ADRA1D: variants seen among roughly 807,000 people sequenced by gnomAD.
The protein encoded by ADRA1D is adrenoceptor alpha 1D.
A neutral mutation model predicts 18.6 loss-of-function variants in ADRA1D; 22 were observed. That is an observed-to-expected ratio of 1.19 (90% CI 0.85 to 1.69). ADRA1D has a LOEUF of 1.69. Ranked by LOEUF, ADRA1D falls within the 40% of genes most tolerant of loss-of-function variation. ADRA1D has a pLI of 0.00. For synonymous variants in ADRA1D, 376 were observed against 388.2 expected (o/e 0.97, Z 0.37); for missense variants, 840 against 840.7 (o/e 1.00, Z 0.01).
chr20:4,228,090 G>A (rs1318071304), intron 1 of ADRA1D, among the ~76,000 whole-genome samples: 1 of 152,078 alleles, frequency 6.6e-6, no homozygotes, highest in Non-Finnish European at 1.5e-5. Context: ...TTCCTTATCT[G>A]TACTTTGACC....
In ADRA1D at chr20:4,248,946, G is replaced by T. The variant is rs1204184745; in HGVS notation, c.12C>A (p.Arg4=). MTF[R]DLLSVSFEGP... is the part of the protein sequence containing the mutation. Reference sequence around the variant, plus strand: ...CCTCGAAACTGACGCTCAGGAGATCGCGGAAAGTCATCTCAACGCGCGGCC... The same window carrying T: ...CCTCGAAACTGACGCTCAGGAGATCTCGGAAAGTCATCTCAACGCGCGGCC... The change falls in exon 1 of 2, where the codon CGC becomes CGA. Residue 4 remains arginine, a synonymous_variant. Transcript: ENST00000379453. 1 of 1,353,224 alleles carries T rather than the reference G, an allele frequency of 7.4e-7. No individual in the cohort carries two copies. Among genetic ancestry groups the T allele is most frequent in the Non-Finnish European group, 9.6e-7 (1 of 1,041,060 alleles). The allele number at this position is 1,353,224 out of a possible 1,614,324, so 83.8% of individuals were successfully genotyped here. A position where few individuals can be genotyped will look rare whatever the true frequency, so the allele number is the denominator to read the frequency against.
chr20:4,240,418 T>C (rs1981186179), intron 1 of ADRA1D, among the ~76,000 whole-genome samples: 1 of 152,012 alleles, frequency 6.6e-6, no homozygotes, highest in Admixed American at 6.6e-5. Flanking sequence ...TTTTTTTTTT[T>C]TTTTTTACAG....
rs1981385478 is a variant in ADRA1D at position 4,248,129 on chromosome 20, C to A, written c.829G>T (p.Val277Leu). 2.5e-6 allele frequency: 4 copies of A among 1,569,718 alleles called. No individual in the cohort carries two copies. The change falls in exon 1 of 2, where the codon GTG (valine) becomes TTG (leucine). Residue 277 changes from valine (V) to leucine (L), a missense_variant. Transcript: ENST00000379453. ...MAVIVVMYCR[V>L]YVVARSTTRS... Reference sequence around the variant, plus strand: ...GTGGTGCTGCGCGCGACCACGTACACGCGGCAGTACATGACCACGATGACC... The same window carrying A: ...GTGGTGCTGCGCGCGACCACGTACAAGCGGCAGTACATGACCACGATGACC...
rs759050770 is a variant in ADRA1D at position 4,239,402 on chromosome 20, T to C, written c.1111+8445A>G. ...AGAAGTCCCCATCAGTGTTGTGTTT[T>C]TCTTCTACTGAAAATAAAATGTACT... is the stretch of plus-strand genomic sequence containing the variant. On this transcript the variant is annotated intron_variant, in intron 1 of 1. Transcript: ENST00000379453. The surrounding 1 kb of genome is among the most constrained non-coding windows in gnomAD (Gnocchi z 4.9). Among the ~76,000 whole-genome samples the C allele has an allele frequency of 4.6e-4, 70 of 152,212 alleles. 1 individual carries two copies. The highest frequency in any genetic ancestry group is 1.3e-4 in the Admixed American group (2 of 15,286).
chr20:4,232,866 C>T (rs1174817327), intron 1 of ADRA1D, among the ~76,000 whole-genome samples: 1 of 152,232 alleles, frequency 6.6e-6, no homozygotes, highest in African/African-American at 2.4e-5. Flanking sequence ...TGCCTCAGCA[C>T]AGTCCAGTTC....
At position 4,222,274 on chromosome 20, in the gene ADRA1D, G is replaced by A; in HGVS notation, c.1112-144C>T. ...AAGGGATCCGTGCTGTAAATCAGGA[G>A]GTCCATGAACTTGGATAGAGAAAAA... On this transcript the variant is annotated intron_variant, in intron 1 of 1. Transcript: ENST00000379453. This position sits in a 1 kb window ranked among gnomAD's most constrained non-coding sequence, Gnocchi z 4.3. 8 of 1,179,842 alleles carry A rather than the reference G, an allele frequency of 6.8e-6. No homozygotes were observed. The South Asian group carries it at 8.6e-5, about 13-fold the overall frequency. The allele number at this position is 1,179,842 out of a possible 1,614,324, so 73.1% of individuals were successfully genotyped here. A position where few individuals can be genotyped will look rare whatever the true frequency, so the allele number is the denominator to read the frequency against.
intron 1 of ADRA1D, among the ~76,000 whole-genome samples, chr20:4,245,956 T>C (rs1301731521): frequency 6.6e-6 from 1 of 152,230 alleles, no homozygotes; most frequent in East Asian, 1.9e-4. Flanking sequence ...TTACCCTATA[T>C]TGAGTATCCA....
intron 1 of ADRA1D, among the ~76,000 whole-genome samples, chr20:4,246,640 CCCCAGTTCCAGCCT>C (rs1981342873): frequency 6.6e-6 from 1 of 152,120 alleles, no homozygotes; most frequent in African/African-American, 2.4e-5. Context: ...GTCTGCATGG[CCCCAGTTCCAGCCT>C]GTGGTCCCAG....
chr20:4,232,250 G>T (rs1054838414), intron 1 of ADRA1D, among the ~76,000 whole-genome samples: 3 of 152,244 alleles, frequency 2.0e-5, no homozygotes, highest in African/African-American at 7.2e-5. Flanking sequence ...TGGCGAGGAG[G>T]CTAGTCCTCC....
At chr20:4,242,858 T>TTG (rs143064051) in intron 1 of ADRA1D, among the ~76,000 whole-genome samples, 8,328 of 151,090 alleles carry the variant, frequency 0.055, 465 homozygotes, top group East Asian at 0.3. Flanking sequence ...GGTGGGGCTG[T>TTG]TGTGTGTGTG....
chr20:4,242,286 A>G (rs890484312), intron 1 of ADRA1D, among the ~76,000 whole-genome samples: 1 of 152,184 alleles, frequency 6.6e-6, no homozygotes, highest in African/African-American at 2.4e-5. Context: ...CTATGGATAC[A>G]TGGTTTATTT....
At chr20:4,236,760 A>G (rs904085970) in intron 1 of ADRA1D, among the ~76,000 whole-genome samples, 2 of 152,164 alleles carry the variant, frequency 1.3e-5, no homozygotes, top group African/African-American at 4.8e-5. Context: ...GGAGGCTCAG[A>G]GCCAGAGAGG....
At chr20:4,243,878 G>A (rs1187918914) in intron 1 of ADRA1D, among the ~76,000 whole-genome samples, 1 of 152,198 alleles carries the variant, frequency 6.6e-6, no homozygotes. Context: ...TCCTCACAGG[G>A]AAAGCGGGGC....
At chr20:4,244,150 G>A (rs777020674) in intron 1 of ADRA1D, among the ~76,000 whole-genome samples, 5 of 152,188 alleles carry the variant, frequency 3.3e-5, no homozygotes, top group Admixed American at 6.5e-5. Context: ...CCTCCAGGCC[G>A]CTGTGGCTGC....
At chr20:4,238,994 G>A (rs1369244332) in intron 1 of ADRA1D, among the ~76,000 whole-genome samples, 2 of 152,038 alleles carry the variant, frequency 1.3e-5, no homozygotes, top group African/African-American at 2.4e-5. Flanking sequence ...GGGTTGATGA[G>A]CAGGTGTAAT....
chr20:4,224,453 A>G (rs1370058671), intron 1 of ADRA1D, among the ~76,000 whole-genome samples: 1 of 152,200 alleles, frequency 6.6e-6, no homozygotes, highest in Non-Finnish European at 1.5e-5. Flanking sequence ...AGAAAGGCAC[A>G]TGACCAAATG....
At position 4,248,603 on chromosome 20, in the gene ADRA1D, G is replaced by T. The variant is rs748759538; in HGVS notation, c.355C>A (p.Leu119Ile). 1 of 1,613,454 alleles carries T rather than the reference G, an allele frequency of 6.2e-7. No individual in the cohort carries two copies. ...AGGTGGCGGTTGCAGGCCACTGAGA[G>T]GATGACAAGCAGGTTACCTGCCACG... ...MAVAGNLLVI[L>I]SVACNRHLQT... Residue 119 changes from leucine (L) to isoleucine (I), a missense_variant, in exon 1 of 2, where the codon CTC becomes ATC. Leu to Ile is a conservative substitution (Grantham distance 5). Coordinates refer to ENST00000379453, the MANE Select transcript of ADRA1D (RefSeq NM_000678.4).
At chr20:4,227,677 T>TC (rs1186910766) in intron 1 of ADRA1D, among the ~76,000 whole-genome samples, 143 of 95,422 alleles carry the variant, frequency 1.5e-3, no homozygotes, top group African/African-American at 5.1e-3. Flanking sequence ...CTTCCTTCCT[T>TC]CCTTCCCTCT....
At position 4,222,734 on chromosome 20, in the gene ADRA1D, A is replaced by G. The variant is rs1568761774; in HGVS notation, c.1112-604T>C. The stretch of plus-strand genomic sequence containing the variant: ...AGATATACTCTTACACCCAAAACTC[A>G]ATATAATTCTGCTTTAATAGAATTG... On this transcript the variant is annotated intron_variant, in intron 1 of 1. Transcript: ENST00000379453. This position sits in a 1 kb window ranked among gnomAD's most constrained non-coding sequence, Gnocchi z 4.3. Among the ~76,000 whole-genome samples the G allele has an allele frequency of 1.3e-5, 2 of 152,170 alleles. No individual in the cohort carries two copies. Among genetic ancestry groups the G allele is most frequent in the Non-Finnish European group, 2.9e-5 (2 of 68,036 alleles).
Sources: allele counts gnomAD v4.1 joint callset (sites outside exome capture counted in the v4.1 genomes callset), GRCh38; gene constraint gnomAD v4.1.1; non-coding constraint Gnocchi (gnomAD v3.1); transcripts MANE v1.5; gene names NCBI Gene and HGNC (gene_info 2026-07-23, HGNC 2026-07-21).